ACBD6: variants seen among roughly 807,000 people sequenced by gnomAD.
ACBD6 encodes the protein acyl-CoA binding domain containing 6.
In ACBD6, 28 loss-of-function variants were observed where a neutral mutation model predicts 37.2. That is an observed-to-expected ratio of 0.75 (90% CI 0.56 to 1.03). The LOEUF (loss-of-function observed/expected upper bound fraction) is 1.03, where lower values mean the gene tolerates loss of function less well. Among genes scored for constraint, ACBD6 ranks in the 50% least tolerant of loss-of-function variants. ACBD6 has a pLI of 0.00. For synonymous variants in ACBD6, 113 were observed against 126.8 expected, an observed-to-expected ratio of 0.89 and a Z score of 0.73; for missense variants, 340 against 337.4, an observed-to-expected ratio of 1.01 and a Z score of -0.06.
intron 7 of ACBD6, among the ~76,000 whole-genome samples, chr1:180,291,189 T>C (rs980522920): frequency 1.3e-5 from 2 of 152,198 alleles, no homozygotes; most frequent in Non-Finnish European, 2.9e-5. Flanking sequence ...TACGAACAGT[T>C]GGGTAAAGGT....
intron 7 of ACBD6, among the ~76,000 whole-genome samples, chr1:180,306,493 C>A (rs371427534): frequency 6.6e-6 from 1 of 152,296 alleles, no homozygotes; most frequent in East Asian, 1.9e-4. Context: ...CCAAGGTAAT[C>A]ATTATCCCCT....
chr1:180,469,780 C>G (rs1008985705), intron 3 of ACBD6, among the ~76,000 whole-genome samples: 1 of 152,288 alleles, frequency 6.6e-6, no homozygotes, highest in African/African-American at 2.4e-5. Context: ...ATATCCTCAG[C>G]AACACTAACA....
chr1:180,413,985 T>A (rs1647972126), intron 4 of ACBD6, among the ~76,000 whole-genome samples: 1 of 152,226 alleles, frequency 6.6e-6, no homozygotes, highest in Non-Finnish European at 1.5e-5. Flanking sequence ...AAAGGTGGAA[T>A]AAGAGCTAGA....
At chr1:180,285,922 C>G (rs1460289250), downstream of ACBD6, among the ~76,000 whole-genome samples, 2 of 151,662 alleles carry the variant, frequency 1.3e-5, no homozygotes, top group African/African-American at 2.4e-5. Flanking sequence ...CTTCTTACAT[C>G]TTTATTAGAA....
chr1:180,373,220 A>G, intron 6 of ACBD6, among the ~76,000 whole-genome samples: 1 of 152,168 alleles, frequency 6.6e-6, no homozygotes, highest in East Asian at 1.9e-4. Context: ...TTTATTTTTT[A>G]TTTCTTTTCA....
intron 3 of ACBD6, among the ~76,000 whole-genome samples, chr1:180,458,549 G>A (rs1303967812): frequency 1.3e-5 from 2 of 152,128 alleles, no homozygotes; most frequent in African/African-American, 2.4e-5. Flanking sequence ...AAAGGGAGAA[G>A]GTAGTGTGGA....
intron 4 of ACBD6, among the ~76,000 whole-genome samples, chr1:180,422,070 T>C (rs1483238817): frequency 6.6e-6 from 1 of 152,226 alleles, no homozygotes; most frequent in Non-Finnish European, 1.5e-5. Flanking sequence ...TCTCTAAGTA[T>C]GCCTTTCCTA....
chr1:180,289,011 G>T, intron 7 of ACBD6, among the ~76,000 whole-genome samples: 1 of 130,056 alleles, frequency 7.7e-6, no homozygotes, highest in Admixed American at 8.6e-5. Flanking sequence ...AGCTGGCCCA[G>T]TAATCAGACC....
At chr1:180,413,096 C>T (rs536669054) in intron 5 of ACBD6, among the ~76,000 whole-genome samples, 7 of 152,180 alleles carry the variant, frequency 4.6e-5, no homozygotes, top group South Asian at 2.1e-4. Context: ...ACTTATTATG[C>T]GAATAATCTC....
intron 6 of ACBD6, among the ~76,000 whole-genome samples, chr1:180,376,721 T>C (rs1653450521): frequency 1.3e-5 from 2 of 152,062 alleles, no homozygotes; most frequent in Non-Finnish European, 2.9e-5. Flanking sequence ...GAAAAAGGAC[T>C]GAAAAGACAG....
intron 3 of ACBD6, among the ~76,000 whole-genome samples, chr1:180,464,713 G>A (rs555799482): frequency 2.6e-5 from 4 of 151,584 alleles, no homozygotes; most frequent in African/African-American, 9.7e-5. Context: ...CCAAAAAGAG[G>A]GCCCAAATAG....
At chr1:180,298,789 T>C (rs1650016744) in intron 7 of ACBD6, among the ~76,000 whole-genome samples, 1 of 152,176 alleles carries the variant, frequency 6.6e-6, no homozygotes, top group African/African-American at 2.4e-5. Flanking sequence ...AACAAATGCC[T>C]GGGAGTTATG....
chr1:180,379,074 A>C (rs1653548706), intron 6 of ACBD6, among the ~76,000 whole-genome samples: 1 of 152,162 alleles, frequency 6.6e-6, no homozygotes, highest in Non-Finnish European at 1.5e-5. Flanking sequence ...AGACTGGCCC[A>C]CTTGGCATCC....
At chr1:180,445,944 T>C (rs576255672) in intron 3 of ACBD6, among the ~76,000 whole-genome samples, 2 of 152,188 alleles carry the variant, frequency 1.3e-5, no homozygotes, top group African/African-American at 2.4e-5. Context: ...CCAAGCTATT[T>C]TGGAAACCAT....
intron 7 of ACBD6, among the ~76,000 whole-genome samples, chr1:180,313,782 C>T (rs942392016): frequency 6.6e-6 from 1 of 152,198 alleles, no homozygotes; most frequent in African/African-American, 2.4e-5. Context: ...CCTCCTGCCT[C>T]AGCCTCCTGG....
chr1:180,333,438 A>G (rs1005761379), intron 6 of ACBD6, among the ~76,000 whole-genome samples: 4 of 152,266 alleles, frequency 2.6e-5, no homozygotes, highest in African/African-American at 9.6e-5. Context: ...TCTTGGAATT[A>G]TAAAATAATC....
At chr1:180,462,192 G>A (rs544416650) in intron 3 of ACBD6, among the ~76,000 whole-genome samples, 183 of 152,170 alleles carry the variant, frequency 1.2e-3, no homozygotes, top group African/African-American at 3.9e-3. Context: ...ACCCAAGATC[G>A]TGCCATGGCA....
chr1:180,347,360 GTTT>G (rs775301259), intron 6 of ACBD6, among the ~76,000 whole-genome samples: 4 of 49,090 alleles, frequency 8.1e-5, no homozygotes. Flanking sequence ...TCAACAGAAA[GTTT>G]TTTTTTTTTT....
At chr1:180,373,713 A>T (rs1483020879) in intron 6 of ACBD6, among the ~76,000 whole-genome samples, 3 of 152,180 alleles carry the variant, frequency 2.0e-5, no homozygotes, top group Non-Finnish European at 4.4e-5. Flanking sequence ...GACATTTATT[A>T]TTTAACCTCC....
Sources: allele counts gnomAD v4.1 joint callset (sites outside exome capture counted in the v4.1 genomes callset), GRCh38; gene constraint gnomAD v4.1.1; transcripts MANE v1.5; gene names NCBI Gene and HGNC (gene_info 2026-07-23, HGNC 2026-07-21).